TRAPPC9: variants seen among roughly 807,000 people sequenced by gnomAD.
TRAPPC9 encodes IKK2 binding protein.
A neutral mutation model predicts 124.0 loss-of-function variants in TRAPPC9; 83 were observed. The observed-to-expected ratio is 0.67, with a 90% CI of 0.56 to 0.80. TRAPPC9 has a LOEUF of 0.80. Ranked by LOEUF, TRAPPC9 falls within the 30% of genes least tolerant of loss-of-function variation. TRAPPC9 has a pLI of 0.00. For missense variants in TRAPPC9, 1,302 were observed against 1,508.3 expected, an observed-to-expected ratio of 0.86 and a Z score of 2.27; for synonymous variants, 638 against 617.5, an observed-to-expected ratio of 1.03 and a Z score of -0.49.
intron 1 of TRAPPC9, among the ~76,000 whole-genome samples, chr8:140,454,640 C>CAAAA (rs34042143): frequency 4.4e-5 from 3 of 68,012 alleles, no homozygotes; most frequent in Non-Finnish European, 8.2e-5. Flanking sequence ...GACTCCCTCT[C>CAAAA]AAAAAAAAAA....
intron 20 of TRAPPC9, among the ~76,000 whole-genome samples, chr8:139,900,966 T>C (rs951626235): frequency 6.9e-6 from 1 of 143,962 alleles, no homozygotes; most frequent in Non-Finnish European, 1.5e-5. Context: ...GTGAGCCTCA[T>C]CTCTCAAAAA....
At chr8:140,222,838 C>G (rs947427577) in intron 16 of TRAPPC9, among the ~76,000 whole-genome samples, 2 of 152,114 alleles carry the variant, frequency 1.3e-5, no homozygotes, top group Non-Finnish European at 2.9e-5. Context: ...TAAACCAGGC[C>G]AAGAGAACAA....
intron 14 of TRAPPC9, among the ~76,000 whole-genome samples, chr8:140,280,353 T>C (rs2065270606): frequency 6.6e-6 from 1 of 152,232 alleles, no homozygotes; most frequent in Admixed American, 6.5e-5. Flanking sequence ...AAAATCCACC[T>C]AGCTTAAGTA....
At chr8:139,778,717 C>G (rs1345778747) in intron 21 of TRAPPC9, among the ~76,000 whole-genome samples, 1 of 152,026 alleles carries the variant, frequency 6.6e-6, no homozygotes. Context: ...TACAAACTAT[C>G]CAAAATGAAA....
At chr8:140,050,915 G>C (rs2132083343) in intron 17 of TRAPPC9, among the ~76,000 whole-genome samples, 1 of 152,326 alleles carries the variant, frequency 6.6e-6, no homozygotes, top group South Asian at 2.1e-4. Context: ...TGGGCATCTT[G>C]GCACTCTCAG....
In TRAPPC9 at chr8:140,045,251, C is replaced by T. The variant is rs186773592; in HGVS notation, c.2557-21172G>A. ...GACCCTCTGCGCTTCAGCTTCCTTG[C>T]GTACACGAAGCGAGGATGGTGGCAC... On this transcript the variant is annotated intron_variant, in intron 17 of 22. Coordinates refer to ENST00000438773, the MANE Select transcript of TRAPPC9 (RefSeq NM_001160372.4). Among the ~76,000 whole-genome samples the T allele has an allele frequency of 7.2e-5, 11 of 152,144 alleles. No individual in the cohort carries two copies. The East Asian group carries it at 7.7e-4, about 11-fold the overall frequency.
intron 17 of TRAPPC9, among the ~76,000 whole-genome samples, chr8:140,049,966 G>A (rs921321968): frequency 1.3e-5 from 2 of 152,168 alleles, no homozygotes; most frequent in Admixed American, 1.3e-4. Flanking sequence ...TTGCCTACAC[G>A]CCAAATGACA....
intron 8 of TRAPPC9, among the ~76,000 whole-genome samples, chr8:140,365,645 C>T (rs542152145): frequency 5.3e-5 from 8 of 152,342 alleles, no homozygotes; most frequent in African/African-American, 9.6e-5. Context: ...TGCAACTGCA[C>T]GGCGACCCTG....
chr8:140,153,835 C>T (rs868193745), intron 17 of TRAPPC9, among the ~76,000 whole-genome samples: 2 of 152,176 alleles, frequency 1.3e-5, no homozygotes, highest in Non-Finnish European at 2.9e-5. Flanking sequence ...CAGGATCTGC[C>T]CTGAGCCCAC....
intron 17 of TRAPPC9, among the ~76,000 whole-genome samples, chr8:140,075,581 G>A (rs957710204): frequency 7.9e-5 from 12 of 152,348 alleles, no homozygotes; most frequent in African/African-American, 2.9e-4. Context: ...GCTAGCCAGT[G>A]TCATCACTGC....
chr8:140,233,593 T>G (rs2063656041), intron 16 of TRAPPC9, among the ~76,000 whole-genome samples: 1 of 127,300 alleles, frequency 7.9e-6, no homozygotes, highest in Non-Finnish European at 1.7e-5. Context: ...TCTCTCTCGC[T>G]CTCTCCCTCC....
intron 21 of TRAPPC9, among the ~76,000 whole-genome samples, chr8:139,813,580 C>T (rs1472608675): frequency 3.9e-5 from 6 of 152,342 alleles, no homozygotes; most frequent in African/African-American, 1.2e-4. Flanking sequence ...GCAGCAGCAC[C>T]GGGTGGGGAG....
rs1461139034 is a variant in TRAPPC9 at position 140,083,524 on chromosome 8, C to T, written c.2557-59445G>A. ...AGAACCACAGAGAGAAAGGTGAGGACGGAAATCTCAGCACCACCGTTCACA... is the reference window on the plus strand; with the variant it reads ...AGAACCACAGAGAGAAAGGTGAGGATGGAAATCTCAGCACCACCGTTCACA... On this transcript the variant is annotated intron_variant, in intron 17 of 22. Coordinates refer to ENST00000438773, the MANE Select transcript of TRAPPC9 (RefSeq NM_001160372.4). 3.3e-5 allele frequency among the ~76,000 whole-genome samples: 5 copies of T among 152,186 alleles called. No individual in the cohort carries two copies. In the South Asian group the frequency reaches 6.2e-4, roughly 19 times the overall value.
Position 140,450,905 on chromosome 8 carries a change from T to C in TRAPPC9, c.469A>G (p.Ile157Val). The change falls in exon 2 of 23, where the codon ATC becomes GTC. Residue 157 changes from isoleucine (I) to valine (V), a missense_variant. Ile to Val is a conservative substitution (Grantham distance 29). Around this residue, in one of 3 missense-constraint regions of TRAPPC9, gnomAD observed 657 missense variants for 811.2 expected, o/e 0.81. Coordinates refer to ENST00000438773, the MANE Select transcript of TRAPPC9 (RefSeq NM_001160372.4). The stretch of plus-strand genomic sequence containing the variant: ...TCCAGACGCTTGGACTCCAGCACGA[T>C]GAACAGTGACTCGATGAAGTCCTCG... ...RIEDFIESLF[I>V]VLESKRLDRA... 1 of 1,614,182 alleles carries C rather than the reference T, an allele frequency of 6.2e-7. No individual in the cohort carries two copies.
chr8:140,400,146 CTT>C (rs1445722802), intron 6 of TRAPPC9, among the ~76,000 whole-genome samples: 1 of 152,212 alleles, frequency 6.6e-6, no homozygotes, highest in Non-Finnish European at 1.5e-5. Context: ...AATTAAACCT[CTT>C]TCTTTTGTAA....
intron 16 of TRAPPC9, among the ~76,000 whole-genome samples, chr8:140,231,165 T>C (rs1409599943): frequency 6.6e-6 from 1 of 152,190 alleles, no homozygotes; most frequent in African/African-American, 2.4e-5. Flanking sequence ...CTAGTTCCTC[T>C]GTGATAAGAA....
At chr8:140,264,573 G>A (rs1563894873) in intron 15 of TRAPPC9, among the ~76,000 whole-genome samples, 1 of 150,006 alleles carries the variant, frequency 6.7e-6, no homozygotes, top group African/African-American at 2.5e-5. Flanking sequence ...AAAACGGGGC[G>A]GGGGAAAGAA....
intron 11 of TRAPPC9, among the ~76,000 whole-genome samples, chr8:140,292,368 G>A (rs1282216045): frequency 6.6e-6 from 1 of 152,200 alleles, no homozygotes; most frequent in Non-Finnish European, 1.5e-5. Flanking sequence ...AGCGAGAGGA[G>A]CTGCTGGATT....
chr8:140,404,976 TG>T (rs2069440159), intron 6 of TRAPPC9, among the ~76,000 whole-genome samples: 1 of 150,988 alleles, frequency 6.6e-6, no homozygotes, highest in East Asian at 2.0e-4. Flanking sequence ...ATGGAGGCTA[TG>T]GACCAAGTTG....
Sources: allele counts gnomAD v4.1 joint callset (sites outside exome capture counted in the v4.1 genomes callset), GRCh38; gene constraint gnomAD v4.1.1; regional missense constraint gnomAD v4.1.1; transcripts MANE v1.5; gene names NCBI Gene and HGNC (gene_info 2026-07-23, HGNC 2026-07-21).